ACOT7: variants seen among roughly 807,000 people sequenced by gnomAD.
ACOT7 encodes acyl-CoA thioesterase 7, also known as cytosolic acyl coenzyme A thioester hydrolase.
Under a neutral mutation model 40.2 loss-of-function variants are expected in ACOT7, and 12 were observed. The ratio of observed to expected loss-of-function variants is 0.30; its 90% CI spans 0.19 to 0.48. The LOEUF (loss-of-function observed/expected upper bound fraction) is 0.48. Among genes scored for constraint, ACOT7 ranks in the 20% least tolerant of loss-of-function variants. ACOT7 has a pLI of 0.99. For missense variants in ACOT7, 395 were observed against 530.8 expected (o/e 0.74, Z 2.51); for synonymous variants, 228 against 219.5 (o/e 1.04, Z -0.34).
rs956276463 is a variant in ACOT7 at position 6,274,696 on chromosome 1, C to T, written c.1014+6406G>A. Among the ~76,000 whole-genome samples the T allele has an allele frequency of 2.6e-5, 4 of 152,198 alleles. No individual in the cohort carries two copies. Among genetic ancestry groups the T allele is most frequent in the African/African-American group, 4.8e-5 (2 of 41,450 alleles). On this transcript the variant is annotated intron_variant, in intron 8 of 8. Transcript: ENST00000361521. The surrounding 1 kb of genome is among the most constrained non-coding windows in gnomAD (Gnocchi z 5.9). The stretch of plus-strand genomic sequence containing the variant: ...GAATCAAACTGGAGTGGAAAACTTT[C>T]CACTAAAATGTGCCCCAACCCCCAC...
rs1221295069 is a variant in ACOT7 at position 6,366,570 on chromosome 1, G to C, written c.144-16704C>G. Among the ~76,000 whole-genome samples the C allele has an allele frequency of 5.3e-5, 8 of 150,144 alleles. No homozygotes were observed. In the East Asian group the frequency reaches 1.2e-3, roughly 22 times the overall value. The stretch of plus-strand genomic sequence containing the variant: ...CCACTGCACTCCAGCCCGGGTGACA[G>C]AGTGGGAGCCTATCTCAAATAAAAA... On this transcript the variant is annotated intron_variant, in intron 1 of 8. Coordinates refer to ENST00000361521, the MANE Select transcript of ACOT7 (RefSeq NM_007274.4).
chr1:6,273,553 G>C (rs1395636045), intron 8 of ACOT7, among the ~76,000 whole-genome samples: 1 of 152,212 alleles, frequency 6.6e-6, no homozygotes, highest in Non-Finnish European at 1.5e-5. Context: ...GGGCAGGAGG[G>C]GGGCAGGGCT....
Position 6,282,746 on chromosome 1 carries a change from T to A in ACOT7, c.830-1460A>T. On this transcript the variant is annotated intron_variant, in intron 7 of 8. Coordinates refer to ENST00000361521, the MANE Select transcript of ACOT7 (RefSeq NM_007274.4). This position sits in a 1 kb window ranked among gnomAD's most constrained non-coding sequence, Gnocchi z 4.5. ...TACAGGGAGCACTTCGTGCCAGTGC[T>A]GGGAGAGGAGGAAGGAGCTGTGTGG... is the stretch of plus-strand genomic sequence containing the variant. 7.7e-7 allele frequency: 1 copy of A among 1,304,280 alleles called. No homozygotes were observed. The highest frequency in any genetic ancestry group is 1.2e-5 in the South Asian group (1 of 81,030). The allele number at this position is 1,304,280 out of a possible 1,614,324, so 80.8% of individuals were successfully genotyped here.
chr1:6,344,533 A>T (rs2148450026), intron 2 of ACOT7, among the ~76,000 whole-genome samples: 1 of 152,258 alleles, frequency 6.6e-6, no homozygotes, highest in South Asian at 2.1e-4. Context: ...TAGGAGGCCG[A>T]GGCAGGTGGA....
intron 2 of ACOT7, among the ~76,000 whole-genome samples, chr1:6,342,035 G>A (rs766214231): frequency 1.5e-4 from 23 of 152,274 alleles, no homozygotes; most frequent in African/African-American, 5.3e-4. Context: ...GTCTTAGTTC[G>A]TTGGGCTGCC....
In ACOT7 at chr1:6,278,024, A is replaced by T. The variant is rs1036343842; in HGVS notation, c.1014+3078T>A. Among the ~76,000 whole-genome samples, 1 of 146,044 alleles carries T rather than the reference A, an allele frequency of 6.8e-6. No individual in the cohort carries two copies. Among genetic ancestry groups the T allele is most frequent in the Non-Finnish European group, 1.5e-5 (1 of 66,344 alleles). On this transcript the variant is annotated intron_variant, in intron 8 of 8. Transcript: ENST00000361521. The surrounding 1 kb of genome is among the most constrained non-coding windows in gnomAD (Gnocchi z 4.1). ...GTTTAGAGCTCTGGCTGACCCGGGC[A>T]GCCAGGCGCCTGCTCCTGGATATGT...
chr1:6,391,275 G>A (rs1212268895), intron 1 of ACOT7, among the ~76,000 whole-genome samples: 1 of 151,554 alleles, frequency 6.6e-6, no homozygotes, highest in Non-Finnish European at 1.5e-5. Context: ...GAGGAGGGCA[G>A]ATCACAGATC....
chr1:6,292,535 AC>A (rs1231830461), intron 7 of ACOT7, among the ~76,000 whole-genome samples: 1 of 152,166 alleles, frequency 6.6e-6, no homozygotes, highest in Non-Finnish European at 1.5e-5. Context: ...AAAGCATTCG[AC>A]CCAGACTGCA....
intron 6 of ACOT7, among the ~76,000 whole-genome samples, chr1:6,308,808 C>A (rs143161798): frequency 6.6e-6 from 1 of 151,568 alleles, no homozygotes; most frequent in Non-Finnish European, 1.5e-5. Flanking sequence ...AGCGACTGGG[C>A]GGAGGGAAAA....
At chr1:6,353,158 G>A (rs1317077558) in intron 1 of ACOT7, among the ~76,000 whole-genome samples, 3 of 149,760 alleles carry the variant, frequency 2.0e-5, no homozygotes, top group Non-Finnish European at 4.4e-5. Flanking sequence ...CACCGCACCC[G>A]GCCCCTCTTT....
intron 1 of ACOT7, among the ~76,000 whole-genome samples, chr1:6,368,047 G>C (rs372336212): frequency 4.6e-5 from 7 of 152,024 alleles, no homozygotes; most frequent in African/African-American, 1.2e-4. Flanking sequence ...GGTTTTTATG[G>C]GCCTCAGAGT....
At chr1:6,317,039 G>A (rs192624131) in intron 6 of ACOT7, among the ~76,000 whole-genome samples, 16 of 152,304 alleles carry the variant, frequency 1.1e-4, no homozygotes, top group African/African-American at 3.8e-4. Flanking sequence ...GGAGTTTTCT[G>A]AGTGGAGAAG....
intron 2 of ACOT7, among the ~76,000 whole-genome samples, chr1:6,344,701 T>A (rs1017667979): frequency 1.4e-5 from 2 of 140,508 alleles, no homozygotes; most frequent in African/African-American, 5.5e-5. Flanking sequence ...GAGGCAGAGG[T>A]TGCAGTGAGC....
At chr1:6,365,193 C>T (rs990369477) in intron 1 of ACOT7, among the ~76,000 whole-genome samples, 1 of 152,114 alleles carries the variant, frequency 6.6e-6, no homozygotes, top group African/African-American at 2.4e-5. Flanking sequence ...TCAGAGGTTG[C>T]CTGGGGGCAG....
chr1:6,364,198 A>G lies in ACOT7; in HGVS notation c.144-14332T>C, dbSNP rs906275030. 3.1e-4 allele frequency among the ~76,000 whole-genome samples: 47 copies of G among 152,054 alleles called. 1 individual carries two copies. Among genetic ancestry groups the G allele is most frequent in the Admixed American group, 2.0e-3 (30 of 15,262 alleles). On this transcript the variant is annotated intron_variant, in intron 1 of 8. Transcript: ENST00000361521. ...GAGACTCCACCTCTAGAAAAAAAGAAAAGATATTCAACATCATTAGACATT... is the reference window on the plus strand; with the variant it reads ...GAGACTCCACCTCTAGAAAAAAAGAGAAGATATTCAACATCATTAGACATT...
rs542593317 is a variant in ACOT7, at chr1:6,264,527, A to T, written c.*70T>A. 697 of 1,457,804 alleles carry T rather than the reference A, an allele frequency of 4.8e-4. 4 individuals carry two copies. The South Asian group carries it at 7.6e-3, about 16-fold the overall frequency. 90.3% of individuals were successfully genotyped at this position (1,457,804 alleles called of 1,614,324 possible). A position where few individuals can be genotyped will look rare whatever the true frequency, so the allele number is the denominator to read the frequency against. On this transcript the variant is annotated 3_prime_UTR_variant, in exon 9 of 9. Coordinates refer to ENST00000361521, the MANE Select transcript of ACOT7 (RefSeq NM_007274.4). ...AATTGGGTTTTTGGCCAAGGGGGGA[A>T]CTTCTAAGTGACTGGACACTGGGCC...
At chr1:6,296,330 C>G (rs1318026721) in intron 6 of ACOT7, among the ~76,000 whole-genome samples, 2 of 152,258 alleles carry the variant, frequency 1.3e-5, no homozygotes, top group African/African-American at 4.8e-5. Context: ...TACTCAGTCT[C>G]TCTTATTTGA....
chr1:6,290,165 G>A (rs868379058), intron 7 of ACOT7, among the ~76,000 whole-genome samples: 4 of 152,206 alleles, frequency 2.6e-5, no homozygotes, highest in East Asian at 1.9e-4. Context: ...GGCCTCAGAC[G>A]CTGGGAAAGG....
intron 7 of ACOT7, among the ~76,000 whole-genome samples, chr1:6,293,520 G>A (rs954281024): frequency 2.0e-5 from 3 of 152,108 alleles, no homozygotes; most frequent in African/African-American, 2.4e-5. Context: ...TGAGTGAGCC[G>A]CTGTCTCTAC....
Sources: gnomAD v4.1 joint callset for allele counts (sites outside exome capture counted in the v4.1 genomes callset) on GRCh38, gnomAD v4.1.1 for gene constraint, Gnocchi (gnomAD v3.1) non-coding constraint, MANE v1.5 for transcripts, NCBI Gene and HGNC (gene_info 2026-07-23, HGNC 2026-07-21) for gene names.